The following DOCK2 variants were observed in gnomAD, a reference collection of about 807,000 sequenced individuals.
DOCK2 encodes dedicator of cytokinesis protein 2.
In DOCK2, 87 loss-of-function variants were observed where a neutral mutation model predicts 248.9. That is an observed-to-expected ratio of 0.35 (90% CI 0.29 to 0.42). The LOEUF (loss-of-function observed/expected upper bound fraction) is 0.42, where lower values mean the gene tolerates loss of function less well. DOCK2 is among the 10% of genes least tolerant of loss of function. The pLI, the probability that DOCK2 is intolerant of heterozygous loss-of-function variation, is 1.00. For missense variants in DOCK2, 1,747 were observed against 2,300.2 expected (o/e 0.76, Z 4.92); for synonymous variants, 805 against 821.6 (o/e 0.98, Z 0.35).
chr5:170,034,585 C>A (rs770790660), intron 35 of DOCK2, 30 bp downstream of exon 35: 2 of 1,611,778 alleles, frequency 1.2e-6, no homozygotes, highest in Non-Finnish European at 8.5e-7. Context: ...CCAAGTCAGA[C>A]CAGAACCCTG....
At chr5:169,804,135 T>C (rs942556834) in intron 26 of DOCK2, among the ~76,000 whole-genome samples, 1 of 152,224 alleles carries the variant, frequency 6.6e-6, no homozygotes, top group Non-Finnish European at 1.5e-5. Context: ...GTGTCTATTA[T>C]TGACTGTAAT....
At chr5:169,962,625 G>A (rs1777138980) in intron 27 of DOCK2, among the ~76,000 whole-genome samples, 1 of 152,092 alleles carries the variant, frequency 6.6e-6, no homozygotes, top group Non-Finnish European at 1.5e-5. Flanking sequence ...AGACAAAGAG[G>A]TTAGACAAGA....
intron 9 of DOCK2, among the ~76,000 whole-genome samples, chr5:169,693,965 AG>A (rs1173429655): frequency 6.6e-6 from 1 of 152,250 alleles, no homozygotes; most frequent in East Asian, 1.9e-4. Flanking sequence ...GATATTAATC[AG>A]GTCTACAAAA....
intron 15 of DOCK2, among the ~76,000 whole-genome samples, chr5:169,710,973 C>A (rs1361381146): frequency 1.3e-5 from 2 of 152,142 alleles, no homozygotes; most frequent in Non-Finnish European, 2.9e-5. Flanking sequence ...TCAGCATGGC[C>A]AGCACCCCAC....
intron 29 of DOCK2, among the ~76,000 whole-genome samples, chr5:169,986,859 A>G (rs1778081734): frequency 6.6e-6 from 1 of 152,144 alleles, no homozygotes; most frequent in Non-Finnish European, 1.5e-5. Context: ...TTCTTGTTTT[A>G]TATCAAAAAA....
rs1581029897 is a variant in DOCK2, at chr5:169,684,429, T to C, written c.761+79T>C. 1.5e-5 allele frequency: 23 copies of C among 1,528,924 alleles called. No individual in the cohort carries two copies. In the East Asian group the frequency reaches 5.0e-4, roughly 33 times the overall value. 94.7% of individuals were successfully genotyped at this position (1,528,924 alleles called of 1,614,324 possible). ...AGCATCTTTTCTTTCCATCCTCACT[T>C]GTGGAGCAATCTCCACCTGGAAAAG... On this transcript the variant is annotated intron_variant, in intron 8 of 51. Coordinates refer to ENST00000520908, the MANE Select transcript of DOCK2 (RefSeq NM_004946.3).
At chr5:169,755,331 G>A (rs1561665973) in intron 23 of DOCK2, among the ~76,000 whole-genome samples, 1 of 152,056 alleles carries the variant, frequency 6.6e-6, no homozygotes, top group African/African-American at 2.4e-5. Context: ...ATGTGTATAG[G>A]TATATATATG....
intron 6 of DOCK2, among the ~76,000 whole-genome samples, chr5:169,678,647 C>T (rs944510675): frequency 2.2e-4 from 33 of 152,124 alleles, no homozygotes; most frequent in Non-Finnish European, 3.2e-4. Flanking sequence ...GTCTTTTGAA[C>T]GGCAGGTGAT....
chr5:169,866,583 G>A (rs1581317259), intron 27 of DOCK2, among the ~76,000 whole-genome samples: 2 of 152,196 alleles, frequency 1.3e-5, no homozygotes, highest in East Asian at 3.9e-4. Context: ...AGGAAGGAAT[G>A]GTAGGCAGAC....
intron 27 of DOCK2, among the ~76,000 whole-genome samples, chr5:169,905,028 T>C (rs1356922773): frequency 6.6e-6 from 1 of 152,090 alleles, no homozygotes; most frequent in Non-Finnish European, 1.5e-5. Context: ...AAAATGAAGA[T>C]AGTAGTCATG....
intron 27 of DOCK2, among the ~76,000 whole-genome samples, chr5:169,930,232 C>T (rs951832741): frequency 3.9e-5 from 6 of 152,126 alleles, no homozygotes; most frequent in Admixed American, 1.3e-4. Flanking sequence ...CCTTGTGATC[C>T]GCCTGCCTCG....
intron 26 of DOCK2, among the ~76,000 whole-genome samples, chr5:169,813,551 C>G (rs1436341716): frequency 1.3e-5 from 2 of 152,192 alleles, no homozygotes; most frequent in African/African-American, 4.8e-5. Context: ...CAAGAAAAAT[C>G]CAGAGACCCA....
intron 27 of DOCK2, among the ~76,000 whole-genome samples, chr5:169,868,393 TA>T (rs1349928761): frequency 6.6e-5 from 10 of 152,244 alleles, no homozygotes; most frequent in African/African-American, 2.4e-4. Flanking sequence ...TCTGACTTCA[TA>T]ATTCAAATAA....
At chr5:169,747,824 G>A (rs1436841429) in intron 23 of DOCK2, among the ~76,000 whole-genome samples, 2 of 152,166 alleles carry the variant, frequency 1.3e-5, no homozygotes, top group Non-Finnish European at 2.9e-5. Context: ...TTTAATTCTC[G>A]ACAACATAAA....
intron 24 of DOCK2, among the ~76,000 whole-genome samples, chr5:169,760,104 T>TA (rs1387833461): frequency 6.6e-6 from 1 of 152,180 alleles, no homozygotes; most frequent in Non-Finnish European, 1.5e-5. Context: ...CTTTGCCTTG[T>TA]AGACCCCACA....
At chr5:170,077,928 C>A in intron 48 of DOCK2, 91 bp downstream of exon 48, 2 of 1,049,914 alleles carry the variant, frequency 1.9e-6, no homozygotes, top group Non-Finnish European at 1.4e-6. Flanking sequence ...AACATCCCTT[C>A]TACCTTTCCC....
intron 45 of DOCK2, among the ~76,000 whole-genome samples, chr5:170,068,500 A>T (rs1421835473): frequency 6.6e-6 from 1 of 152,202 alleles, no homozygotes; most frequent in Admixed American, 6.5e-5. Context: ...GGGGACAATA[A>T]TTCCAGTCAC....
At chr5:169,963,724 T>G (rs1047006203) in intron 27 of DOCK2, among the ~76,000 whole-genome samples, 2 of 152,136 alleles carry the variant, frequency 1.3e-5, no homozygotes, top group African/African-American at 4.8e-5. Flanking sequence ...TCTTCCTCCC[T>G]ACCAGCAGCA....
chr5:169,875,278 A>G (rs1016454669), intron 27 of DOCK2: 19 of 456,580 alleles, frequency 4.2e-5, no homozygotes, highest in African/African-American at 3.0e-4. Flanking sequence ...TCTCTGATTC[A>G]GTGGCTTTGG....
Sources: gnomAD v4.1 joint callset for allele counts (sites outside exome capture counted in the v4.1 genomes callset) on GRCh38, gnomAD v4.1.1 for gene constraint, MANE v1.5 for transcripts, NCBI Gene and HGNC (gene_info 2026-07-23, HGNC 2026-07-21) for gene names.